Variants in ZFAT observed in about 807,000 individuals in gnomAD.
ZFAT encodes the protein zinc finger protein ZFAT.
Under a neutral mutation model 117.7 loss-of-function variants are expected in ZFAT, and 64 were observed. The observed-to-expected ratio is 0.54, with a 90% confidence interval of 0.44 to 0.67. ZFAT has a LOEUF of 0.67. ZFAT is among the 30% of genes least tolerant of loss of function. The pLI is 0.00. For synonymous variants in ZFAT, 679 were observed against 615.0 expected (o/e 1.10, Z -1.54); for missense variants, 1,433 against 1,584.5 (o/e 0.90, Z 1.62).
chr8:134,607,378 T>C (rs1207705743), intron 5 of ZFAT, among the ~76,000 whole-genome samples: 1 of 152,260 alleles, frequency 6.6e-6, no homozygotes, highest in Non-Finnish European at 1.5e-5. Context: ...AATAATATAA[T>C]TTAATGAGAG....
the ZFAT span, among the ~76,000 whole-genome samples, chr8:134,728,234 T>G: frequency 1.3e-5 from 2 of 151,358 alleles, no homozygotes; most frequent in African/African-American, 4.9e-5. Flanking sequence ...CAGCCTTCCA[T>G]GATCACAGGG....
the ZFAT span, among the ~76,000 whole-genome samples, chr8:134,725,580 A>G: frequency 6.6e-6 from 1 of 152,000 alleles, no homozygotes; most frequent in African/African-American, 2.4e-5. Context: ...TTCACAAAGG[A>G]TCCACCGCCA....
rs181283355 is a variant in ZFAT at position 134,494,613 on chromosome 8, T to C, written c.3492+15006A>G. On this transcript the variant is annotated intron_variant, in intron 15 of 15. Transcript: ENST00000377838. ...CAGGGCCTTGCTGGTAACCGAGCAGTGAAGGAAAACGGAGCTGGCAGGACC... is the reference window on the plus strand; with the variant it reads ...CAGGGCCTTGCTGGTAACCGAGCAGCGAAGGAAAACGGAGCTGGCAGGACC... Among the ~76,000 whole-genome samples, 19 of 152,272 alleles carry C rather than the reference T, an allele frequency of 1.2e-4. No homozygotes were observed. In the East Asian group the frequency reaches 3.7e-3, roughly 29 times the overall value.
the ZFAT span, chr8:134,784,134 G>A: frequency 6.6e-6 from 1 of 152,150 alleles, no homozygotes; most frequent in Non-Finnish European, 1.5e-5. Context: ...AGCAAGTTGA[G>A]GGCTAGACCT....
chr8:134,744,089 T>C, the ZFAT span, among the ~76,000 whole-genome samples: 1 of 152,184 alleles, frequency 6.6e-6, no homozygotes, highest in Admixed American at 6.5e-5. Flanking sequence ...AGTCCGGGCA[T>C]GAGTTAACTG....
At chr8:134,552,515 C>A (rs972380596) in intron 11 of ZFAT, among the ~76,000 whole-genome samples, 3 of 152,202 alleles carry the variant, frequency 2.0e-5, no homozygotes, top group African/African-American at 7.2e-5. Context: ...CAATAGATTT[C>A]TCCAGCTTCA....
chr8:134,593,228 G>T (rs1273439691), intron 7 of ZFAT, among the ~76,000 whole-genome samples: 1 of 152,006 alleles, frequency 6.6e-6, no homozygotes, highest in Admixed American at 6.5e-5. Flanking sequence ...TCTGCTATTT[G>T]ATTTTTTTTC....
chr8:134,577,974 A>G (rs1203456937), intron 10 of ZFAT, among the ~76,000 whole-genome samples: 1 of 152,148 alleles, frequency 6.6e-6, no homozygotes, highest in Non-Finnish European at 1.5e-5. Context: ...CACCTAGGGA[A>G]GACTCATTCA....
At chr8:134,756,411 T>A in the ZFAT span, among the ~76,000 whole-genome samples, 8 of 152,198 alleles carry the variant, frequency 5.3e-5, no homozygotes, top group African/African-American at 1.9e-4. Context: ...TTGAACACAG[T>A]CACGGAGTGA....
chr8:134,749,644 G>T, the ZFAT span, among the ~76,000 whole-genome samples: 1 of 152,096 alleles, frequency 6.6e-6, no homozygotes, highest in African/African-American at 2.4e-5. Context: ...AATCCACTTG[G>T]AACTGATTTT....
chr8:134,642,419 G>A (rs1335585051), intron 2 of ZFAT, among the ~76,000 whole-genome samples: 1 of 152,108 alleles, frequency 6.6e-6, no homozygotes, highest in Non-Finnish European at 1.5e-5. Context: ...ACTGATAAAA[G>A]CAATCCATTA....
chr8:134,488,101 C>T (rs774340138), intron 15 of ZFAT, among the ~76,000 whole-genome samples: 4 of 152,188 alleles, frequency 2.6e-5, no homozygotes, highest in South Asian at 2.1e-4. Flanking sequence ...TCAGGCACTG[C>T]GGTTCCAGGG....
intron 1 of ZFAT, among the ~76,000 whole-genome samples, chr8:134,704,550 T>C (rs1198865197): frequency 6.6e-6 from 1 of 152,192 alleles, no homozygotes; most frequent in Non-Finnish European, 1.5e-5. Flanking sequence ...AATGAAACTC[T>C]CCTGCCTGCA....
chr8:134,547,589 G>T (rs1822793482), intron 11 of ZFAT, among the ~76,000 whole-genome samples: 1 of 152,212 alleles, frequency 6.6e-6, no homozygotes, highest in Admixed American at 6.5e-5. Context: ...AACTGCATTT[G>T]CATAGATTTC....
At chr8:134,708,910 C>T (rs1380412348) in intron 1 of ZFAT, among the ~76,000 whole-genome samples, 1 of 152,156 alleles carries the variant, frequency 6.6e-6, no homozygotes, top group Non-Finnish European at 1.5e-5. Context: ...CAAGATCACA[C>T]CATTGTGCTC....
intron 14 of ZFAT, chr8:134,510,267 T>C (rs1819721139): frequency 2.4e-6 from 1 of 418,836 alleles, no homozygotes; most frequent in African/African-American, 2.0e-5. Flanking sequence ...GGTTCTATTT[T>C]AACCATCTCT....
chr8:134,817,424 CA>C, the ZFAT span, among the ~76,000 whole-genome samples: 9 of 119,076 alleles, frequency 7.6e-5, no homozygotes, highest in South Asian at 1.0e-3. Context: ...CACACACACA[CA>C]CACACACACA....
chr8:134,526,043 TTTGTTG>T (rs58483395), intron 12 of ZFAT, among the ~76,000 whole-genome samples: 2 of 152,062 alleles, frequency 1.3e-5, no homozygotes, highest in Non-Finnish European at 2.9e-5. Context: ...ACCTCCACTT[TTTGTTG>T]TTGTTGTTGT....
rs569252561 is a variant in ZFAT at position 134,619,676 on chromosome 8, C to G, written c.449-9021G>C. 4.5e-4 allele frequency among the ~76,000 whole-genome samples: 69 copies of G among 152,210 alleles called. 1 individual carries two copies. Among genetic ancestry groups the G allele is most frequent in the Admixed American group, 1.9e-3 (29 of 15,280 alleles). Reference sequence around the variant, plus strand: ...AAGACAGGAAGGGCCTCCAACCTCACACAGTGGGAAAGTCATCCAGTCATT... The same window carrying G: ...AAGACAGGAAGGGCCTCCAACCTCAGACAGTGGGAAAGTCATCCAGTCATT... On this transcript the variant is annotated intron_variant, in intron 3 of 15. Coordinates refer to ENST00000377838, the MANE Select transcript of ZFAT (RefSeq NM_020863.4).
Sources: allele counts gnomAD v4.1 joint callset (sites outside exome capture counted in the v4.1 genomes callset), GRCh38; gene constraint gnomAD v4.1.1; transcripts MANE v1.5; gene names NCBI Gene and HGNC (gene_info 2026-07-23, HGNC 2026-07-21).